The following COL12A1 variants were observed in gnomAD, a reference collection of about 807,000 sequenced individuals.
The protein encoded by COL12A1 is collagen type XII alpha 1 chain, also known as collagen alpha-1(XII) chain.
In COL12A1, 114 loss-of-function variants were observed where a neutral mutation model predicts 349.7. The observed-to-expected ratio is 0.33, with a 90% CI of 0.28 to 0.38. The LOEUF is 0.38. COL12A1 is among the 10% of genes least tolerant of loss of function. The pLI is 1.00. For missense variants in COL12A1, 3,284 were observed against 3,756.9 expected, an observed-to-expected ratio of 0.87 and a Z score of 3.29; for synonymous variants, 1,369 against 1,329.0, an observed-to-expected ratio of 1.03 and a Z score of -0.66.
At chr6:75,200,267 C>T (rs1426195746) in intron 2 of COL12A1, among the ~76,000 whole-genome samples, 1 of 152,176 alleles carries the variant, frequency 6.6e-6, no homozygotes, top group East Asian at 1.9e-4. Flanking sequence ...ACATCTGTGG[C>T]TAGCAAGCTC....
chr6:75,171,572 G>T (rs1004322871), intron 13 of COL12A1, among the ~76,000 whole-genome samples: 2 of 152,182 alleles, frequency 1.3e-5, no homozygotes, highest in Non-Finnish European at 2.9e-5. Context: ...GAATGCTCCT[G>T]CCGGCTGACA....
intron 58 of COL12A1, among the ~76,000 whole-genome samples, chr6:75,098,661 A>G (rs983139710): frequency 6.6e-6 from 1 of 152,120 alleles, no homozygotes; most frequent in East Asian, 1.9e-4. Context: ...CCTATTTCAA[A>G]AAAAAACAGA....
intron 35 of COL12A1, among the ~76,000 whole-genome samples, chr6:75,131,187 T>G (rs138357632): frequency 4.5e-4 from 68 of 152,302 alleles, no homozygotes; most frequent in African/African-American, 1.6e-3. Flanking sequence ...AGTGACCTCA[T>G]CCTTGACCCT....
chr6:75,119,140 G>A lies in COL12A1; in HGVS notation c.7257C>T (p.Ser2419=), dbSNP rs554342070. 1.0e-4 allele frequency: 162 copies of A among 1,613,772 alleles called. No individual in the cohort carries two copies. Among genetic ancestry groups the A allele is most frequent in the Non-Finnish European group, 1.3e-4 (157 of 1,179,904 alleles). The change falls in exon 46 of 66, where the codon AGC becomes AGT. Residue 2419 remains serine, a synonymous_variant. Transcript: ENST00000322507. The part of the protein sequence containing the change: ...FIKEKVLTWE[S]GMRKNVPKVL... ...CCTTAGGGACATTCTTCCTCATGCC[G>A]CTCTCCCAAGTCAAGACTTTCTCCT... is the stretch of plus-strand genomic sequence containing the variant.
Position 75,194,920 on chromosome 6 carries a change from T to C in COL12A1, c.101A>G (p.Lys34Arg), listed in dbSNP as rs1770141011. ...EVDPPSDLNFKIIDENTVHMS... is the reference protein window; with the variant it reads ...EVDPPSDLNFRIIDENTVHMS... ...ATGAACAGTATTTTCATCTATAATT[T>C]TAAAATTCAAGTCTGAAGGTGGGTC... is the stretch of plus-strand genomic sequence containing the variant. The change falls in exon 3 of 66, where the codon AAA (lysine) becomes AGA (arginine). Residue 34 changes from lysine to arginine, a missense_variant. Lys to Arg is a conservative substitution (Grantham distance 26). Around this residue, in one of 2 missense-constraint regions of COL12A1, gnomAD observed 2,601 missense variants for 2,824.8 expected, o/e 0.92. Coordinates refer to ENST00000322507, the MANE Select transcript of COL12A1 (RefSeq NM_004370.6). The C allele has an allele frequency of 1.9e-6, 3 of 1,607,166 alleles. No homozygotes were observed. The highest frequency in any genetic ancestry group is 2.5e-6 in the Non-Finnish European group (3 of 1,176,768).
intron 34 of COL12A1, among the ~76,000 whole-genome samples, chr6:75,132,756 G>A (rs1272079042): frequency 1.3e-5 from 2 of 152,126 alleles, no homozygotes; most frequent in Non-Finnish European, 1.5e-5. Context: ...CTATCAGCAA[G>A]TATATTTTTA....
At position 75,133,175 on chromosome 6, in the gene COL12A1, T is replaced by A. The variant is rs1297936744; in HGVS notation, c.5794+118A>T. On this transcript the variant is annotated intron_variant, in intron 34 of 65. Coordinates refer to ENST00000322507, the MANE Select transcript of COL12A1 (RefSeq NM_004370.6). Reference sequence around the variant, plus strand: ...AGGAAGGTAAACTATGGCTAATTTTTATGTTTTTAATTCTATCACACCAAA... The same window carrying A: ...AGGAAGGTAAACTATGGCTAATTTTAATGTTTTTAATTCTATCACACCAAA... 8.3e-6 allele frequency: 8 copies of A among 959,296 alleles called. No individual in the cohort carries two copies. In the East Asian group the frequency reaches 2.0e-4, roughly 24 times the overall value. The allele number at this position is 959,296 out of a possible 1,614,324, so 59.4% of individuals were successfully genotyped here.
intron 11 of COL12A1, among the ~76,000 whole-genome samples, chr6:75,178,455 T>A (rs555068584): frequency 6.6e-6 from 1 of 152,304 alleles, no homozygotes. Flanking sequence ...AATTCAACCA[T>A]ACACAGGATG....
intron 43 of COL12A1, 151 bp from the exon 44 acceptor site, chr6:75,121,592 A>T: frequency 1.1e-6 from 1 of 880,436 alleles, no homozygotes; most frequent in Non-Finnish European, 1.6e-6. Context: ...AGAAATGCAG[A>T]ATCTTGGGTC....
chr6:75,180,461 C>T (rs1442309394), intron 11 of COL12A1, among the ~76,000 whole-genome samples: 2 of 151,906 alleles, frequency 1.3e-5, no homozygotes, highest in Non-Finnish European at 2.9e-5. Flanking sequence ...GTACTTAATG[C>T]CACTAAAATG....
rs761539038 is a variant in COL12A1 at position 75,143,340 on chromosome 6, C to T, written c.4739G>A (p.Ser1580Asn). The T allele has an allele frequency of 2.5e-6, 4 of 1,613,820 alleles. No homozygotes were observed. Among genetic ancestry groups the T allele is most frequent in the East Asian group, 2.2e-5 (1 of 44,842 alleles). ...AGGTTCCCAAAAGACATTCATAGTGCTGTGAGTCACATCTCTGAGTTTCAG... is the reference window on the plus strand; with the variant it reads ...AGGTTCCCAAAAGACATTCATAGTGTTGTGAGTCACATCTCTGAGTTTCAG... ...QDLKLRDVTH[S>N]TMNVFWEPVP... is the part of the protein sequence containing the mutation. Residue 1580 changes from serine (S) to asparagine (N), a missense_variant, in exon 26 of 66, where the codon AGC (serine) becomes AAC (asparagine). Ser to Asn is a conservative substitution (Grantham distance 46, BLOSUM62 1). Around this residue, in one of 2 missense-constraint regions of COL12A1, gnomAD observed 2,601 missense variants for 2,824.8 expected, o/e 0.92. Transcript: ENST00000322507.
chr6:75,195,011 T>C, intron 2 of COL12A1, 64 bp from the exon 3 acceptor site: 2 of 920,648 alleles, frequency 2.2e-6, no homozygotes, highest in South Asian at 1.8e-5. Flanking sequence ...ATTTAATTAA[T>C]AAAGAATTGT....
intron 2 of COL12A1, 47 bp from the exon 3 acceptor site, chr6:75,194,994 A>C: frequency 9.3e-7 from 1 of 1,075,936 alleles, no homozygotes; most frequent in East Asian, 2.5e-5. Context: ...ATGTCACAAA[A>C]TGGTCAATTT....
intron 14 of COL12A1, among the ~76,000 whole-genome samples, chr6:75,162,252 A>G (rs1213245421): frequency 6.6e-6 from 1 of 152,196 alleles, no homozygotes; most frequent in Admixed American, 6.5e-5. Flanking sequence ...TTCAAACTAT[A>G]CTAGAAGGCT....
intron 63 of COL12A1, 47 bp from the exon 64 acceptor site, chr6:75,089,221 A>G (rs1306465316): frequency 1.5e-5 from 20 of 1,378,296 alleles, no homozygotes; most frequent in Non-Finnish European, 1.9e-5. Flanking sequence ...ATTATCTGGA[A>G]GCATGTAATT....
chr6:75,118,913 C>T (rs963755599), intron 46 of COL12A1, 130 bp downstream of exon 46: 58 of 1,197,550 alleles, frequency 4.8e-5, no homozygotes, highest in East Asian at 1.5e-4. Context: ...ACTAGCATTA[C>T]GAAGGTATAC....
At position 75,191,688 on chromosome 6, in the gene COL12A1, G is replaced by T; in HGVS notation, c.394+13C>A. 1 of 1,587,842 alleles carries T rather than the reference G, an allele frequency of 6.3e-7. No individual in the cohort carries two copies. The highest frequency in any genetic ancestry group is 1.1e-5 in the South Asian group (1 of 87,340). On this transcript the variant is annotated intron_variant, in intron 5 of 65. Coordinates refer to ENST00000322507, the MANE Select transcript of COL12A1 (RefSeq NM_004370.6). ...CCATGAATCTAAGCAAAAATAGTAA[G>T]AGAAACACTCACTTTGTATCTCGGT...
At chr6:75,093,184 A>G (rs1318489759) in intron 60 of COL12A1, among the ~76,000 whole-genome samples, 1 of 152,148 alleles carries the variant, frequency 6.6e-6, no homozygotes, top group African/African-American at 2.4e-5. Context: ...GGTTTTGTCT[A>G]TATACCCCCC....
intron 38 of COL12A1, 27 bp downstream of exon 38, chr6:75,128,269 A>G (rs1295659300): frequency 6.5e-7 from 1 of 1,538,344 alleles, no homozygotes. Context: ...CAAAGCAAAA[A>G]TAAAAGGGGG....
Sources: allele counts gnomAD v4.1 joint callset (sites outside exome capture counted in the v4.1 genomes callset), GRCh38; gene constraint gnomAD v4.1.1; regional missense constraint gnomAD v4.1.1; transcripts MANE v1.5; gene names NCBI Gene and HGNC (gene_info 2026-07-23, HGNC 2026-07-21).